Variants in CLEC2A observed in about 807,000 individuals in gnomAD.
CLEC2A encodes keratinocyte-associated C-type lectin.
Under a neutral mutation model 18.6 loss-of-function variants are expected in CLEC2A, and 19 were observed. That is an observed-to-expected ratio of 1.02 (90% CI 0.71 to 1.50). The LOEUF is 1.50. Among genes scored for constraint, CLEC2A ranks in the 40% most tolerant of loss-of-function variants. The pLI is 0.00. For synonymous variants in CLEC2A, 74 were observed against 64.0 expected, an observed-to-expected ratio of 1.16 and a Z score of -0.75; for missense variants, 190 against 207.9, an observed-to-expected ratio of 0.91 and a Z score of 0.53.
At chr12:9,927,056 C>T (rs974719431) in intron 1 of CLEC2A, among the ~76,000 whole-genome samples, 2 of 151,318 alleles carry the variant, frequency 1.3e-5, no homozygotes, top group Non-Finnish European at 2.9e-5. Context: ...TGTGTGTGTA[C>T]AGTCATGCAT....
chr12:9,916,358 C>T (rs1465663141), intron 4 of CLEC2A, among the ~76,000 whole-genome samples: 1 of 152,038 alleles, frequency 6.6e-6, no homozygotes, highest in East Asian at 1.9e-4. Flanking sequence ...GAAAGAAGTA[C>T]AAGTAATACG....
the CLEC2A span, among the ~76,000 whole-genome samples, chr12:9,878,058 T>C: frequency 6.6e-6 from 1 of 151,642 alleles, no homozygotes; most frequent in African/African-American, 2.4e-5. Flanking sequence ...AGTTTGAGGG[T>C]ACAGTGAGTT....
rs1407572476 is a variant in CLEC2A at position 9,913,527 on chromosome 12, A to G, written c.*39T>C. ...TTTTGCATAATTAGCTCTTCTTTCA[A>G]TCTTGAAGTGTGATAATCATTTTCA... On this transcript the variant is annotated 3_prime_UTR_variant, in exon 5 of 5. Transcript: ENST00000455827. The G allele has an allele frequency of 1.0e-5, 16 of 1,530,648 alleles. No homozygotes were observed. The highest frequency in any genetic ancestry group is 3.4e-4 in the Middle Eastern group (2 of 5,866). 94.8% of individuals were successfully genotyped at this position (1,530,648 alleles called of 1,614,324 possible). A position where few individuals can be genotyped will look rare whatever the true frequency, so the allele number is the denominator to read the frequency against.
chr12:9,903,747 A>C (rs112003761), intron 4 of CLEC2A, among the ~76,000 whole-genome samples: 2 of 152,204 alleles, frequency 1.3e-5, no homozygotes, highest in African/African-American at 4.8e-5. Flanking sequence ...TATCCAATTT[A>C]CATTTTTATT....
the CLEC2A span, chr12:9,881,725 T>G: frequency 8.4e-7 from 1 of 1,193,450 alleles, no homozygotes; most frequent in Non-Finnish European, 1.2e-6. Flanking sequence ...AGGAAGAGAA[T>G]TATCTTAGAA....
chr12:9,921,588 A>AAAAC (rs974590252), intron 3 of CLEC2A, among the ~76,000 whole-genome samples: 19 of 152,166 alleles, frequency 1.2e-4, no homozygotes, highest in South Asian at 2.1e-4. Context: ...CTCTGTCTTA[A>AAAAC]AAACAAACAA....
At chr12:9,893,394 CAAAT>C in the CLEC2A span, 28 of 1,064,512 alleles carry the variant, frequency 2.6e-5, no homozygotes, top group African/African-American at 4.7e-5. Flanking sequence ...TTTTTTTAAA[CAAAT>C]GAATGAATAA....
At chr12:9,895,592 T>C, downstream of CLEC2A, 1 of 1,174,540 alleles carries the variant, frequency 8.5e-7, no homozygotes. Context: ...CTTTGGCTGC[T>C]GAAGAATTAC....
At chr12:9,885,123 T>A in the CLEC2A span, 1 of 409,264 alleles carries the variant, frequency 2.4e-6, no homozygotes, top group Non-Finnish European at 4.1e-6. Context: ...CTCTACACTG[T>A]AGTCCAAAAC....
chr12:9,881,690 G>T, the CLEC2A span: 3,327 of 1,484,904 alleles, frequency 2.2e-3, 62 homozygotes, highest in African/African-American at 0.041. Context: ...CCCCATCACC[G>T]CATTTAAAAT....
the CLEC2A span, chr12:9,893,103 G>A: frequency 6.5e-7 from 1 of 1,535,692 alleles, no homozygotes; most frequent in Non-Finnish European, 8.7e-7. Context: ...AACGTGGAAA[G>A]AGAGTCAACG....
chr12:9,896,464 A>T (rs1202559836), downstream of CLEC2A, among the ~76,000 whole-genome samples: 1 of 152,208 alleles, frequency 6.6e-6, no homozygotes, highest in Non-Finnish European at 1.5e-5. Context: ...AACAAAAAAA[A>T]AAAGCAAATC....
chr12:9,908,276 T>G (rs1477526330), downstream of CLEC2A, among the ~76,000 whole-genome samples: 1 of 152,234 alleles, frequency 6.6e-6, no homozygotes, highest in Non-Finnish European at 1.5e-5. Context: ...GTAGGTTTAG[T>G]GAGGTGAGGA....
At chr12:9,925,881 C>T (rs1591796157) in intron 2 of CLEC2A, among the ~76,000 whole-genome samples, 1 of 151,032 alleles carries the variant, frequency 6.6e-6, no homozygotes, top group South Asian at 2.1e-4. Flanking sequence ...TTCCCTACCC[C>T]TCCCTAATTC....
chr12:9,897,261 C>T (rs1862767288), downstream of CLEC2A, among the ~76,000 whole-genome samples: 3 of 152,262 alleles, frequency 2.0e-5, no homozygotes, highest in South Asian at 6.2e-4. Flanking sequence ...ATGAAACTTT[C>T]TGTGCTTTCA....
chr12:9,929,464 G>A (rs539064397), intron 1 of CLEC2A, among the ~76,000 whole-genome samples: 1 of 152,136 alleles, frequency 6.6e-6, no homozygotes, highest in East Asian at 1.9e-4. Flanking sequence ...TTCTTAACAG[G>A]GACTTATCTC....
downstream of CLEC2A, among the ~76,000 whole-genome samples, chr12:9,909,927 G>A (rs1862959631): frequency 6.6e-6 from 1 of 152,066 alleles, no homozygotes; most frequent in Non-Finnish European, 1.5e-5. Flanking sequence ...GTGTTGATGG[G>A]CTGTCTAGGA....
At chr12:9,897,061 T>A (rs1862764686), downstream of CLEC2A, among the ~76,000 whole-genome samples, 1 of 152,076 alleles carries the variant, frequency 6.6e-6, no homozygotes, top group African/African-American at 2.4e-5. Context: ...GGTTTCACCA[T>A]GTTGGCCAGG....
the CLEC2A span, among the ~76,000 whole-genome samples, chr12:9,891,201 T>C: frequency 6.6e-6 from 1 of 152,200 alleles, no homozygotes; most frequent in African/African-American, 2.4e-5. Context: ...CTTAGAAACC[T>C]GCCTGGCCCA....
Sources: gnomAD v4.1 joint callset for allele counts (sites outside exome capture counted in the v4.1 genomes callset) on GRCh38, gnomAD v4.1.1 for gene constraint, MANE v1.5 for transcripts, NCBI Gene and HGNC (gene_info 2026-07-23, HGNC 2026-07-21) for gene names.